Variants in MAGI2 observed in about 807,000 individuals in gnomAD.
The protein encoded by MAGI2 is membrane associated guanylate kinase, WW and PDZ domain containing 2, also known as membrane-associated guanylate kinase, WW and PDZ domain-containing protein 2.
MAGI2 carries 35 observed loss-of-function variants against 133.3 expected under a neutral mutation model. The ratio of observed to expected loss-of-function variants is 0.26; its 90% CI spans 0.20 to 0.35. The LOEUF is 0.35. Among genes scored for constraint, MAGI2 ranks in the 10% least tolerant of loss-of-function variants. The pLI, the probability that MAGI2 is intolerant of heterozygous loss-of-function variation, is 1.00. For synonymous variants in MAGI2, 729 were observed against 710.6 expected, an observed-to-expected ratio of 1.03 and a Z score of -0.41; for missense variants, 1,636 against 1,863.4, an observed-to-expected ratio of 0.88 and a Z score of 2.25.
At chr7:79,392,419 T>C (rs1844728316) in intron 1 of MAGI2, among the ~76,000 whole-genome samples, 1 of 152,194 alleles carries the variant, frequency 6.6e-6, no homozygotes, top group Non-Finnish European at 1.5e-5. Context: ...TTCTAGATCC[T>C]TGAAGAATCA....
At chr7:78,625,464 TA>T (rs546914465) in intron 3 of MAGI2, among the ~76,000 whole-genome samples, 26 of 150,746 alleles carry the variant, frequency 1.7e-4, no homozygotes, top group African/African-American at 4.1e-4. Context: ...GTCAAAAAGT[TA>T]AAAAAAAATG....
chr7:78,278,872 C>G (rs920094438), intron 9 of MAGI2, among the ~76,000 whole-genome samples: 1 of 152,146 alleles, frequency 6.6e-6, no homozygotes, highest in Non-Finnish European at 1.5e-5. Flanking sequence ...TTTTGTTTCT[C>G]TGGAGAGCAC....
chr7:78,206,717 C>T (rs1168834589), intron 10 of MAGI2, among the ~76,000 whole-genome samples: 2 of 152,188 alleles, frequency 1.3e-5, no homozygotes, highest in African/African-American at 4.8e-5. Context: ...TCTCCTTTAG[C>T]TGAAATATTT....
intron 2 of MAGI2, among the ~76,000 whole-genome samples, chr7:78,974,791 T>C (rs940374536): frequency 6.6e-6 from 1 of 151,804 alleles, no homozygotes; most frequent in Non-Finnish European, 1.5e-5. Context: ...AGACACTGTA[T>C]GGCTTAAAAA....
intron 2 of MAGI2, among the ~76,000 whole-genome samples, chr7:78,979,838 G>T (rs1410011877): frequency 6.6e-6 from 1 of 151,904 alleles, no homozygotes; most frequent in East Asian, 1.9e-4. Flanking sequence ...ATAAGTCATG[G>T]CATCCCATGA....
intron 1 of MAGI2, among the ~76,000 whole-genome samples, chr7:79,314,358 C>G (rs956336498): frequency 6.6e-6 from 1 of 152,158 alleles, no homozygotes; most frequent in Non-Finnish European, 1.5e-5. Context: ...ATCCACCTGC[C>G]TTGGCCTCCC....
chr7:78,966,317 T>C (rs554959094), intron 2 of MAGI2, among the ~76,000 whole-genome samples: 1 of 152,204 alleles, frequency 6.6e-6, no homozygotes, highest in East Asian at 1.9e-4. Flanking sequence ...TTTATACCTG[T>C]TGAACAGCAA....
chr7:78,507,892 TTAAACAC>T (rs1411704283), intron 4 of MAGI2, among the ~76,000 whole-genome samples: 3 of 152,206 alleles, frequency 2.0e-5, no homozygotes, highest in Non-Finnish European at 4.4e-5. Context: ...GCTGCCATAA[TTAAACAC>T]CACAAACTGA....
At chr7:78,503,588 CCTCCCCCTCCTCCTT>C (rs1322193443) in intron 4 of MAGI2, among the ~76,000 whole-genome samples, 2 of 81,378 alleles carry the variant, frequency 2.5e-5, no homozygotes, top group African/African-American at 5.7e-5. Context: ...CCCTCCTCCT[CCTCCCCCTCCTCCTT>C]CTCCCCCTCC....
At chr7:79,068,358 T>C (rs140195641) in intron 1 of MAGI2, among the ~76,000 whole-genome samples, 6,964 of 152,232 alleles carry the variant, frequency 0.046, 505 homozygotes, top group African/African-American at 0.16. Flanking sequence ...CAGGAATTTA[T>C]CCATTTCTTC....
chr7:78,822,995 C>A (rs2151428965), intron 2 of MAGI2, among the ~76,000 whole-genome samples: 1 of 152,242 alleles, frequency 6.6e-6, no homozygotes, highest in African/African-American at 2.4e-5. Flanking sequence ...GAGCCATGAA[C>A]AACATATATA....
At chr7:78,318,337 C>T (rs945062674) in intron 9 of MAGI2, among the ~76,000 whole-genome samples, 3 of 152,054 alleles carry the variant, frequency 2.0e-5, no homozygotes, top group African/African-American at 4.8e-5. Context: ...ACACAAGTAT[C>T]AATAGCCAAA....
At chr7:79,299,249 T>A (rs1837188554) in intron 1 of MAGI2, among the ~76,000 whole-genome samples, 1 of 152,124 alleles carries the variant, frequency 6.6e-6, no homozygotes, top group South Asian at 2.1e-4. Context: ...GTAGAAATTT[T>A]CCGGGCAGAG....
intron 20 of MAGI2, among the ~76,000 whole-genome samples, chr7:78,093,166 A>AGTAAT (rs1344650849): frequency 6.8e-6 from 1 of 147,930 alleles, no homozygotes; most frequent in Non-Finnish European, 1.5e-5. Flanking sequence ...AAAAAAAGAA[A>AGTAAT]GTAATGGCAG....
chr7:78,178,062 C>T lies in MAGI2; in HGVS notation c.2352G>A (p.Met784Ile). The T allele has an allele frequency of 1.2e-6, 2 of 1,613,238 alleles. No homozygotes were observed. Among genetic ancestry groups the T allele is most frequent in the South Asian group, 1.1e-5 (1 of 91,062 alleles). ...YKELDVHLRR[M>I]ESGFGFRILG... ...GGATTCTGAAGCCAAATCCAGACTC[C>T]ATCCTCCGAAGATGAACATCCAATT... The change falls in exon 14 of 22, where the codon ATG becomes ATA. Residue 784 changes from methionine (M) to isoleucine (I), a missense_variant. Physicochemically the swap from Met to Ile is conservative, Grantham distance 10 (BLOSUM62 1). Coordinates refer to ENST00000354212, the MANE Select transcript of MAGI2 (RefSeq NM_012301.4).
At chr7:78,888,398 C>T (rs190631772) in intron 2 of MAGI2, among the ~76,000 whole-genome samples, 2,064 of 152,298 alleles carry the variant, frequency 0.014, 18 homozygotes, top group Non-Finnish European at 0.018. Flanking sequence ...TCCCAGCACC[C>T]AGCTGGAGAT....
chr7:78,883,250 A>C (rs1584269765), intron 2 of MAGI2, among the ~76,000 whole-genome samples: 2 of 152,210 alleles, frequency 1.3e-5, no homozygotes, highest in Admixed American at 1.3e-4. Context: ...CCCATTTGTA[A>C]TAGACACACA....
intron 4 of MAGI2, among the ~76,000 whole-genome samples, chr7:78,508,861 G>A (rs1795325279): frequency 6.6e-6 from 1 of 150,910 alleles, no homozygotes; most frequent in Admixed American, 6.6e-5. Flanking sequence ...TTCTCAGTAT[G>A]CTTTTATTGT....
intron 2 of MAGI2, among the ~76,000 whole-genome samples, chr7:78,644,593 C>A (rs78924684): frequency 0.047 from 7,181 of 152,102 alleles, 254 homozygotes; most frequent in East Asian, 0.15. Context: ...AATTACAAAT[C>A]ATTTTGAACT....
Sources: allele counts gnomAD v4.1 joint callset (sites outside exome capture counted in the v4.1 genomes callset), GRCh38; gene constraint gnomAD v4.1.1; transcripts MANE v1.5; gene names NCBI Gene and HGNC (gene_info 2026-07-23, HGNC 2026-07-21).